ABCA12: variants seen among roughly 807,000 people sequenced by gnomAD.
ABCA12 encodes the protein glucosylceramide transporter ABCA12.
Under a neutral mutation model 293.5 loss-of-function variants are expected in ABCA12, and 156 were observed. The observed-to-expected ratio is 0.53, with a 90% CI of 0.47 to 0.61. The LOEUF is 0.61. ABCA12 is among the 20% of genes least tolerant of loss of function. ABCA12 has a pLI of 0.00. For synonymous variants in ABCA12, 1,063 were observed against 1,108.0 expected (o/e 0.96, Z 0.81); for missense variants, 2,797 against 3,090.2 (o/e 0.91, Z 2.25).
intron 51 of ABCA12, among the ~76,000 whole-genome samples, chr2:214,934,748 AT>A (rs1337434403): frequency 2.9e-4 from 44 of 152,260 alleles, no homozygotes; most frequent in East Asian, 9.7e-4. Context: ...CAGTATCACC[AT>A]CTACTTAGTT....
chr2:215,043,767 C>T (rs1701148848), intron 7 of ABCA12, among the ~76,000 whole-genome samples: 1 of 151,920 alleles, frequency 6.6e-6, no homozygotes, highest in Admixed American at 6.6e-5. Context: ...ATACATGTAA[C>T]CACCATGCCA....
At chr2:215,036,447 C>T (rs1700992335) in intron 8 of ABCA12, among the ~76,000 whole-genome samples, 1 of 152,102 alleles carries the variant, frequency 6.6e-6, no homozygotes, top group Non-Finnish European at 1.5e-5. Flanking sequence ...CATCTCCAAA[C>T]CTTTGTCTGT....
chr2:215,130,150 G>A (rs1474580739), intron 1 of ABCA12, among the ~76,000 whole-genome samples: 2 of 151,970 alleles, frequency 1.3e-5, no homozygotes, highest in African/African-American at 2.4e-5. Flanking sequence ...TTTGAAGTCA[G>A]GCGATGTGAT....
chr2:215,033,903 T>G (rs892990484), intron 8 of ABCA12, among the ~76,000 whole-genome samples: 25 of 151,998 alleles, frequency 1.6e-4, no homozygotes, highest in Non-Finnish European at 3.1e-4. Flanking sequence ...ATCATGCCAC[T>G]GCACTCCAAC....
chr2:215,006,877 T>A (rs2105996104), intron 19 of ABCA12, among the ~76,000 whole-genome samples: 1 of 144,712 alleles, frequency 6.9e-6, no homozygotes, highest in African/African-American at 2.6e-5. Flanking sequence ...CTTTTTTTTT[T>A]TTTTTTTTTT....
chr2:215,074,864 C>T (rs1701804554), intron 2 of ABCA12, among the ~76,000 whole-genome samples: 1 of 151,988 alleles, frequency 6.6e-6, no homozygotes, highest in Non-Finnish European at 1.5e-5. Flanking sequence ...ATCACTTGAA[C>T]CCGGGAGGTG....
chr2:215,059,586 G>A (rs1486648415), intron 3 of ABCA12, among the ~76,000 whole-genome samples: 1 of 151,912 alleles, frequency 6.6e-6, no homozygotes, highest in Non-Finnish European at 1.5e-5. Flanking sequence ...GAAAGACTTT[G>A]GAGTTAGTTA....
intron 8 of ABCA12, 50 bp from the exon 9 acceptor site, chr2:215,031,946 G>T (rs372559713): frequency 1.1e-5 from 18 of 1,610,062 alleles, no homozygotes; most frequent in East Asian, 2.2e-5. Flanking sequence ...TTTGCTTAAA[G>T]ATTTTTTTCC....
intron 44 of ABCA12, among the ~76,000 whole-genome samples, chr2:214,953,402 T>C (rs546740033): frequency 1.3e-5 from 2 of 152,358 alleles, no homozygotes; most frequent in Admixed American, 1.3e-4. Context: ...GTCAATGGCA[T>C]GTGTATTTCT....
chr2:215,091,738 G>A (rs1219963758), intron 2 of ABCA12, among the ~76,000 whole-genome samples: 1 of 152,214 alleles, frequency 6.6e-6, no homozygotes, highest in Non-Finnish European at 1.5e-5. Flanking sequence ...GTATTTCTGA[G>A]TTGCAATTAC....
chr2:214,951,361 C>T (rs1698764340), intron 44 of ABCA12, among the ~76,000 whole-genome samples: 1 of 152,104 alleles, frequency 6.6e-6, no homozygotes, highest in Non-Finnish European at 1.5e-5. Context: ...ATAAGGAATA[C>T]AGTAAGTATA....
chr2:215,131,716 T>C (rs1703061972), intron 1 of ABCA12, among the ~76,000 whole-genome samples: 1 of 149,882 alleles, frequency 6.7e-6, no homozygotes, highest in African/African-American at 2.4e-5. Flanking sequence ...TTTTTTTTTT[T>C]TTTTTTGGCC....
At chr2:214,981,107 A>G (rs1483999228) in intron 30 of ABCA12, among the ~76,000 whole-genome samples, 1 of 151,966 alleles carries the variant, frequency 6.6e-6, no homozygotes, top group Non-Finnish European at 1.5e-5. Context: ...AAAAAAAAGA[A>G]AGGAAAAAAA....
At chr2:215,097,671 A>AGT (rs1702274327) in intron 2 of ABCA12, among the ~76,000 whole-genome samples, 1 of 152,206 alleles carries the variant, frequency 6.6e-6, no homozygotes, top group African/African-American at 2.4e-5. Context: ...TATTTGAGCT[A>AGT]AAATTTAATA....
At chr2:215,067,334 A>G (rs1000230462) in intron 2 of ABCA12, among the ~76,000 whole-genome samples, 7 of 152,180 alleles carry the variant, frequency 4.6e-5, no homozygotes, top group Non-Finnish European at 1.0e-4. Flanking sequence ...GCAAAATTAA[A>G]GCTAATAATT....
rs1700885134 is a variant in ABCA12, at chr2:215,031,848, G to A, written c.1034C>T (p.Thr345Ile). The change falls in exon 9 of 53, where the codon ACC becomes ATC. Residue 345 changes from threonine (T) to isoleucine (I), a missense_variant. This residue lies in a region of ABCA12 where 656 missense variants were observed against 638.2 expected (regional missense o/e 1.03). Coordinates refer to ENST00000272895, the MANE Select transcript of ABCA12 (RefSeq NM_173076.3). Reference protein sequence around the residue: ...THVWNEDDGQTLSPSSLAAQL... With the variant: ...THVWNEDDGQILSPSSLAAQL... ...TGCAGCCAGACTGCTTGGAGATAAGGTCTGTCCATCATCCTCATTCCACAC... is the reference window on the plus strand; with the variant it reads ...TGCAGCCAGACTGCTTGGAGATAAGATCTGTCCATCATCCTCATTCCACAC... The A allele has an allele frequency of 6.2e-7, 1 of 1,613,948 alleles. No individual in the cohort carries two copies. The highest frequency in any genetic ancestry group is 8.5e-7 in the Non-Finnish European group (1 of 1,179,958).
At chr2:214,939,338 C>G (rs1037734473) in intron 50 of ABCA12, among the ~76,000 whole-genome samples, 6 of 152,122 alleles carry the variant, frequency 3.9e-5, no homozygotes, top group African/African-American at 1.4e-4. Flanking sequence ...GTTTTGGTAC[C>G]AGTATCATGC....
chr2:214,954,321 A>G (rs1446231825), intron 43 of ABCA12, among the ~76,000 whole-genome samples: 1 of 152,144 alleles, frequency 6.6e-6, no homozygotes, highest in East Asian at 1.9e-4. Flanking sequence ...TCATTATATG[A>G]GGCCACCTAT....
chr2:214,974,929 G>T, intron 34 of ABCA12, 65 bp from the exon 35 acceptor site: 1 of 1,400,098 alleles, frequency 7.1e-7, no homozygotes, highest in Non-Finnish European at 1.0e-6. Flanking sequence ...TTAAAATCAT[G>T]CTTGAAGAAA....
Sources: gnomAD v4.1 joint callset for allele counts (sites outside exome capture counted in the v4.1 genomes callset) on GRCh38, gnomAD v4.1.1 for gene constraint, gnomAD v4.1.1 regional missense constraint, MANE v1.5 for transcripts, NCBI Gene and HGNC (gene_info 2026-07-23, HGNC 2026-07-21) for gene names.